Variants in KIF13B observed in about 807,000 individuals in gnomAD.
KIF13B encodes kinesin-like protein KIF13B.
KIF13B carries 127 observed loss-of-function variants against 222.0 expected under a neutral mutation model. The observed-to-expected ratio is 0.57, with a 90% CI of 0.50 to 0.66. The LOEUF (loss-of-function observed/expected upper bound fraction) is 0.66, where lower values mean the gene tolerates loss of function less well. Among genes scored for constraint, KIF13B ranks in the 30% least tolerant of loss-of-function variants. KIF13B has a pLI of 0.00. For missense variants in KIF13B, 2,173 were observed against 2,379.0 expected, an observed-to-expected ratio of 0.91 and a Z score of 1.80; for synonymous variants, 976 against 919.0, an observed-to-expected ratio of 1.06 and a Z score of -1.12.
At chr8:29,090,762 T>C (rs1397367733) in intron 37 of KIF13B, among the ~76,000 whole-genome samples, 1 of 152,232 alleles carries the variant, frequency 6.6e-6, no homozygotes, top group African/African-American at 2.4e-5. Flanking sequence ...CAGGCTGGAA[T>C]GCAGTGGCAT....
rs567605458 is a variant in KIF13B, at chr8:29,154,253, G to A, written c.1535+1473C>T. On this transcript the variant is annotated intron_variant, in intron 14 of 39. Coordinates refer to ENST00000524189, the MANE Select transcript of KIF13B (RefSeq NM_015254.4). ...GATCATTTGAGCTCAGAACTTGGAG[G>A]CTGCAGTGAGCTATGATTGCACCAC... Among the ~76,000 whole-genome samples, 4 of 152,222 alleles carry A rather than the reference G, an allele frequency of 2.6e-5. No homozygotes were observed. In the East Asian group the frequency reaches 5.8e-4, roughly 22 times the overall value.
At chr8:29,092,555 T>C (rs1345911748) in intron 37 of KIF13B, among the ~76,000 whole-genome samples, 190 bp downstream of exon 37, 10 of 152,220 alleles carry the variant, frequency 6.6e-5, no homozygotes, top group Non-Finnish European at 1.5e-4. Flanking sequence ...GGAAGGAGTG[T>C]GTCCGTAAGT....
At chr8:29,251,601 G>C (rs1166481419) in intron 1 of KIF13B, among the ~76,000 whole-genome samples, 1 of 152,058 alleles carries the variant, frequency 6.6e-6, no homozygotes, top group Non-Finnish European at 1.5e-5. Flanking sequence ...GGGTTATGAG[G>C]GGTTGGGGGA....
chr8:29,217,983 G>A (rs960963881), intron 2 of KIF13B, among the ~76,000 whole-genome samples: 1 of 152,046 alleles, frequency 6.6e-6, no homozygotes, highest in Non-Finnish European at 1.5e-5. Flanking sequence ...ACTTAGTATG[G>A]GTGTCAACTG....
intron 23 of KIF13B, among the ~76,000 whole-genome samples, chr8:29,131,256 C>T (rs1810331210): frequency 6.7e-6 from 1 of 149,444 alleles, no homozygotes; most frequent in South Asian, 2.1e-4. Context: ...ATCAATCACA[C>T]CCCAAAGCTC....
intron 1 of KIF13B, among the ~76,000 whole-genome samples, chr8:29,262,585 G>A (rs1156509842): frequency 6.6e-6 from 1 of 151,746 alleles, no homozygotes; most frequent in African/African-American, 2.4e-5. Flanking sequence ...CGACCCGCGC[G>A]CGGGGGCGAC....
chr8:29,144,748 GA>G (rs1219112679), intron 18 of KIF13B, among the ~76,000 whole-genome samples: 1 of 152,056 alleles, frequency 6.6e-6, no homozygotes, highest in Non-Finnish European at 1.5e-5. Context: ...CTGGAAATAA[GA>G]AAAAAATTCA....
intron 13 of KIF13B, among the ~76,000 whole-genome samples, 197 bp downstream of exon 13, chr8:29,160,536 T>C (rs890601004): frequency 6.6e-6 from 1 of 152,198 alleles, no homozygotes; most frequent in Non-Finnish European, 1.5e-5. Context: ...GGAAATAATA[T>C]CAGAGTATCA....
chr8:29,219,101 A>G (rs530229335), intron 2 of KIF13B: 2 of 152,368 alleles, frequency 1.3e-5, no homozygotes, highest in African/African-American at 4.8e-5. Context: ...TCCCTACTAC[A>G]TGGAACACAA....
At chr8:29,122,488 T>C in intron 29 of KIF13B, 103 bp downstream of exon 29, 1 of 891,538 alleles carries the variant, frequency 1.1e-6, no homozygotes, top group African/African-American at 1.6e-5. Context: ...GCTCTAGCCT[T>C]AGGGGGACAG....
In KIF13B at chr8:29,116,835, C is replaced by T. The variant is rs766179392; in HGVS notation, c.3833G>A (p.Arg1278His). ...RKRICVNVHG[R>H]QGFAQSLLKK... ...TTTCTTCCACTGAAGACTAACCTGG[C>T]GGCCGTGAACATTGACACAGATTCT... is the stretch of plus-strand genomic sequence containing the variant. Residue 1278 changes from arginine to histidine, a missense_variant, in exon 31 of 40, where the codon CGC becomes CAC. This residue lies in a region of KIF13B where 1,480 missense variants were observed against 1,722.8 expected (regional missense o/e 0.86). Coordinates refer to ENST00000524189, the MANE Select transcript of KIF13B (RefSeq NM_015254.4). 1.8e-5 allele frequency: 29 copies of T among 1,601,820 alleles called. No homozygotes were observed. In the African/African-American group the frequency reaches 2.5e-4, roughly 14 times the overall value.
chr8:29,196,856 G>A (rs1158512277), intron 2 of KIF13B, among the ~76,000 whole-genome samples: 1 of 152,122 alleles, frequency 6.6e-6, no homozygotes, highest in Non-Finnish European at 1.5e-5. Flanking sequence ...CATTTTGTTT[G>A]AGTGTTACGT....
At chr8:29,102,371 G>C (rs1808832874) in intron 35 of KIF13B, among the ~76,000 whole-genome samples, 1 of 152,238 alleles carries the variant, frequency 6.6e-6, no homozygotes, top group African/African-American at 2.4e-5. Context: ...TACACAGAGG[G>C]AAGCTGGCTT....
chr8:29,232,593 G>A (rs1443273575), intron 2 of KIF13B, among the ~76,000 whole-genome samples: 2 of 152,014 alleles, frequency 1.3e-5, no homozygotes, highest in East Asian at 1.9e-4. Flanking sequence ...GCTGACATTA[G>A]AAATTTTACA....
At chr8:29,225,917 T>C (rs1313561774) in intron 2 of KIF13B, among the ~76,000 whole-genome samples, 2 of 152,232 alleles carry the variant, frequency 1.3e-5, no homozygotes, top group East Asian at 3.8e-4. Context: ...CATTTGCTAG[T>C]AGTTTGCAAG....
chr8:29,232,213 GCACTA>G (rs1209715047), intron 2 of KIF13B, among the ~76,000 whole-genome samples: 1 of 151,884 alleles, frequency 6.6e-6, no homozygotes. Context: ...AGCCATGATT[GCACTA>G]CTACATTCCA....
At chr8:29,109,264 GGGGCAGAGGT>G (rs1258690791) in intron 34 of KIF13B, among the ~76,000 whole-genome samples, 160 bp downstream of exon 34, 1 of 152,232 alleles carries the variant, frequency 6.6e-6, no homozygotes, top group Admixed American at 6.5e-5. Flanking sequence ...AGTAGGAACA[GGGGCAGAGGT>G]GCACAGACCC....
intron 37 of KIF13B, among the ~76,000 whole-genome samples, chr8:29,091,758 A>T (rs1323435153): frequency 3.9e-5 from 6 of 152,352 alleles, no homozygotes; most frequent in Non-Finnish European, 7.3e-5. Context: ...TCCTGCAGTC[A>T]TAGATTCATT....
At chr8:29,183,737 A>G (rs926354018) in intron 6 of KIF13B, among the ~76,000 whole-genome samples, 3 of 152,238 alleles carry the variant, frequency 2.0e-5, no homozygotes, top group East Asian at 1.9e-4. Flanking sequence ...CTTCACTAAC[A>G]AAGTGAAGAT....
Sources: gnomAD v4.1 joint callset for allele counts (sites outside exome capture counted in the v4.1 genomes callset) on GRCh38, gnomAD v4.1.1 for gene constraint, gnomAD v4.1.1 regional missense constraint, MANE v1.5 for transcripts, NCBI Gene and HGNC (gene_info 2026-07-23, HGNC 2026-07-21) for gene names.